The following STK11IP variants were observed in gnomAD, a reference collection of about 807,000 sequenced individuals.
The protein encoded by STK11IP is serine/threonine kinase 11 interacting protein, also known as serine/threonine-protein kinase 11-interacting protein.
Under a neutral mutation model 131.7 loss-of-function variants are expected in STK11IP, and 103 were observed. The ratio of observed to expected loss-of-function variants is 0.78; its 90% CI spans 0.67 to 0.92. The LOEUF is 0.92. Ranked by LOEUF, STK11IP falls within the 40% of genes least tolerant of loss-of-function variation. STK11IP has a pLI of 0.00. For missense variants in STK11IP, 1,315 were observed against 1,385.7 expected (o/e 0.95, Z 0.81); for synonymous variants, 557 against 575.6 (o/e 0.97, Z 0.46).
chr2:219,610,900 T>C (rs1367243398), intron 17 of STK11IP, among the ~76,000 whole-genome samples: 11 of 152,156 alleles, frequency 7.2e-5, no homozygotes, highest in Admixed American at 7.2e-4. Context: ...GTGTAAATGA[T>C]TTAATATTTT....
At chr2:219,609,708 A>G in intron 17 of STK11IP, 168 bp downstream of exon 17, 1 of 768,518 alleles carries the variant, frequency 1.3e-6, no homozygotes, top group Non-Finnish European at 2.1e-6. Context: ...TGCATTTACA[A>G]AAAGGAAAAC....
At chr2:219,602,681 C>T (rs779341556) in intron 6 of STK11IP, 24 bp from the exon 7 acceptor site, 10 of 1,613,430 alleles carry the variant, frequency 6.2e-6, no homozygotes, top group Non-Finnish European at 4.2e-6. Context: ...CATCGATTCT[C>T]TGCCTCCTCC....
chr2:219,613,899 G>A lies in STK11IP; in HGVS notation c.2685G>A (p.Arg895=). Residue 895 remains arginine (R), a synonymous_variant, in exon 21 of 25, where the codon AGG becomes AGA. Transcript: ENST00000456909. ...GRCVLLPRDA[R]HCRAFLEELL... The stretch of plus-strand genomic sequence containing the variant: ...GTGTGCTGCTGCCCCGAGATGCCAG[G>A]CATTGCCGGGCCTTCCTAGAGGAGC... The A allele has an allele frequency of 1.9e-6, 3 of 1,586,032 alleles. No homozygotes were observed. Among genetic ancestry groups the A allele is most frequent in the Non-Finnish European group, 2.6e-6 (3 of 1,164,882 alleles).
chr2:219,607,969 C>T (rs1698247742), intron 13 of STK11IP, 78 bp from the exon 14 acceptor site: 2 of 1,540,306 alleles, frequency 1.3e-6, no homozygotes, highest in Non-Finnish European at 1.8e-6. Flanking sequence ...CCCCTCATCG[C>T]TGAGGAGCAC....
intron 8 of STK11IP, 98 bp from the exon 9 acceptor site, chr2:219,605,858 G>C: frequency 4.7e-6 from 7 of 1,483,794 alleles, no homozygotes; most frequent in Non-Finnish European, 6.4e-6. Flanking sequence ...GGGGTGCTCT[G>C]GCCGGTCTTT....
At chr2:219,601,122 A>G in intron 2 of STK11IP, 113 bp from the exon 3 acceptor site, 2 of 790,978 alleles carry the variant, frequency 2.5e-6, no homozygotes, top group South Asian at 1.9e-5. Flanking sequence ...ATCCTGCAAT[A>G]GAAGATCTAC....
chr2:219,605,114 G>A (rs1233152807), intron 7 of STK11IP, among the ~76,000 whole-genome samples: 1 of 152,210 alleles, frequency 6.6e-6, no homozygotes, highest in African/African-American at 2.4e-5. Context: ...ACAGGCATGA[G>A]CCACTGCACC....
chr2:219,601,694 C>T lies in STK11IP; in HGVS notation c.321C>T (p.Phe107=). ...GPTGPIKIFP[F]KSLRHLELRG... ...CAGGGCCCATCAAGATTTTCCCCTT[C>T]AAATCCCTTCGGCACCTGGAGGTAT... The change falls in exon 4 of 25, where the codon TTC becomes TTT. Residue 107 remains phenylalanine (F), a synonymous_variant. Coordinates refer to ENST00000456909, the MANE Select transcript of STK11IP (RefSeq NM_052902.4). 1 of 1,604,864 alleles carries T rather than the reference C, an allele frequency of 6.2e-7. No individual in the cohort carries two copies. The highest frequency in any genetic ancestry group is 8.5e-7 in the Non-Finnish European group (1 of 1,175,856).
Position 219,609,172 on chromosome 2 carries a change from C to T in STK11IP, c.1885C>T (p.Arg629Cys), listed in dbSNP as rs146871592. ...SYICPDRQLR[R>C]YLVLEPDAHA... ...CATCTGCCCTGACCGGCAGTTGCGT[C>T]GCTATTTGGTGCTGGAGCCTGATGC... The change falls in exon 16 of 25, where the codon CGC becomes TGC. Residue 629 changes from arginine (R) to cysteine (C), a missense_variant. Coordinates refer to ENST00000456909, the MANE Select transcript of STK11IP (RefSeq NM_052902.4). 9.4e-5 allele frequency: 152 copies of T among 1,610,034 alleles called. No homozygotes were observed. In the Middle Eastern group the frequency reaches 1.2e-3, roughly 12 times the overall value.
At chr2:219,611,467 G>A (rs1698392457) in intron 17 of STK11IP, 137 bp from the exon 18 acceptor site, 2 of 707,140 alleles carry the variant, frequency 2.8e-6, no homozygotes, top group Non-Finnish European at 4.9e-6. Context: ...TGGTGGCCTG[G>A]GGCGCGGTGG....
At chr2:219,614,754 A>G in intron 23 of STK11IP, 1 of 721,428 alleles carries the variant, frequency 1.4e-6, no homozygotes, top group Non-Finnish European at 2.5e-6. Flanking sequence ...CAGGATCCTC[A>G]GTTACCCAGA....
Position 219,613,838 on chromosome 2 carries a change from G to A in STK11IP, c.2624G>A (p.Ser875Asn), listed in dbSNP as rs1698486977. 1 of 1,612,230 alleles carries A rather than the reference G, an allele frequency of 6.2e-7. No individual in the cohort carries two copies. The highest frequency in any genetic ancestry group is 1.3e-5 in the African/African-American group (1 of 74,992). The change falls in exon 21 of 25, where the codon AGC becomes AAC. Residue 875 changes from serine to asparagine, a missense_variant. By Grantham distance (46) the Ser-to-Asn change is conservative. Coordinates refer to ENST00000456909, the MANE Select transcript of STK11IP (RefSeq NM_052902.4). ...ATAGAGCTGGGCCTGGCAGGCCAGAGCCTGCGGCTAGAGTGGGCAGCTGGG... is the reference window on the plus strand; with the variant it reads ...ATAGAGCTGGGCCTGGCAGGCCAGAACCTGCGGCTAGAGTGGGCAGCTGGG... ...SGIELGLAGQ[S>N]LRLEWAAGAG...
intron 17 of STK11IP, 146 bp downstream of exon 17, chr2:219,609,686 C>T: frequency 1.1e-6 from 1 of 878,356 alleles, no homozygotes; most frequent in Non-Finnish European, 1.8e-6. Context: ...AAAAAGAAAA[C>T]CGTCTGCCTG....
intron 2 of STK11IP, 127 bp downstream of exon 2, chr2:219,598,307 T>C (rs1697866005): frequency 3.0e-6 from 2 of 672,812 alleles, no homozygotes; most frequent in South Asian, 4.4e-5. Flanking sequence ...GAGTTCAATT[T>C]CTTTACTTTT....
rs757589282 is a variant in STK11IP, at chr2:219,609,416, G to A, written c.1980G>A (p.Gly660=). The part of the protein sequence containing the change: ...PVTNVAREQL[G]EARDLLLGRF... ...CCAATGTGGCTCGGGAACAGCTTGG[G>A]GAGGCCAGGGACCTCCTGCTGGGTA... Residue 660 remains glycine (G), a synonymous_variant, in exon 17 of 25, where the codon GGG becomes GGA. Coordinates refer to ENST00000456909, the MANE Select transcript of STK11IP (RefSeq NM_052902.4). The A allele has an allele frequency of 2.5e-6, 4 of 1,613,396 alleles. No homozygotes were observed. The highest frequency in any genetic ancestry group is 1.3e-5 in the African/African-American group (1 of 75,072).
In STK11IP at chr2:219,602,704, G is replaced by A; in HGVS notation, c.547-1G>A. On this transcript the variant is annotated splice_acceptor_variant, in intron 6 of 24. Transcript: ENST00000456909. LOFTEE classifies it high-confidence loss of function. The stretch of plus-strand genomic sequence containing the variant: ...CTCTGCCTCCTCCCCGTCTCTCTCA[G>A]CGCCTCTTGTCAGCTCTGCGTTTCT... 1.2e-6 allele frequency: 2 copies of A among 1,613,500 alleles called. No individual in the cohort carries two copies. Among genetic ancestry groups the A allele is most frequent in the Non-Finnish European group, 1.7e-6 (2 of 1,179,682 alleles).
In STK11IP at chr2:219,605,667, A is replaced by C; in HGVS notation, c.678A>C (p.Arg226Ser). ...ATAATCGCCTGCATTTGGTGCCAAG[A>C]ATGGGACCCTCAGGGGCTGCTCTGG... ...ISYNRLHLVP[R>S]MGPSGAALGV... Residue 226 changes from arginine to serine, a missense_variant, in exon 8 of 25, where the codon AGA becomes AGC. Arg to Ser is a moderately radical substitution (Grantham distance 110). Coordinates refer to ENST00000456909, the MANE Select transcript of STK11IP (RefSeq NM_052902.4). The C allele has an allele frequency of 6.4e-7, 1 of 1,563,078 alleles. No homozygotes were observed.
intron 22 of STK11IP, 98 bp downstream of exon 22, chr2:219,614,340 CT>C: frequency 6.5e-7 from 1 of 1,532,920 alleles, no homozygotes; most frequent in Non-Finnish European, 9.0e-7. Flanking sequence ...GGGCAGCCAC[CT>C]GTCCTCATGC....
intron 2 of STK11IP, among the ~76,000 whole-genome samples, chr2:219,598,941 A>C (rs1697888780): frequency 6.6e-6 from 1 of 152,232 alleles, no homozygotes; most frequent in South Asian, 2.1e-4. Flanking sequence ...TGGGGTTAAT[A>C]GTGCTTCTCT....
Sources: allele counts gnomAD v4.1 joint callset (sites outside exome capture counted in the v4.1 genomes callset), GRCh38; gene constraint gnomAD v4.1.1; transcripts MANE v1.5; gene names NCBI Gene and HGNC (gene_info 2026-07-23, HGNC 2026-07-21).